SPTBN2: variants seen among roughly 807,000 people sequenced by gnomAD.
SPTBN2 encodes the protein spectrin beta, non-erythrocytic 2.
In SPTBN2, 107 loss-of-function variants were observed where a neutral mutation model predicts 284.2. That is an observed-to-expected ratio of 0.38 (90% confidence interval 0.32 to 0.44). The LOEUF is 0.44. Among genes scored for constraint, SPTBN2 ranks in the 20% least tolerant of loss-of-function variants. The pLI, the probability that SPTBN2 is intolerant of heterozygous loss-of-function variation, is 1.00. For synonymous variants in SPTBN2, 1,289 were observed against 1,354.8 expected, an observed-to-expected ratio of 0.95 and a Z score of 1.07; for missense variants, 2,569 against 3,287.1, an observed-to-expected ratio of 0.78 and a Z score of 5.34.
intron 18 of SPTBN2, 35 bp downstream of exon 18, chr11:66,699,370 CT>C (rs771646452): frequency 2.4e-5 from 38 of 1,609,498 alleles, no homozygotes; most frequent in South Asian, 4.4e-5. Flanking sequence ...CGATTCCCCC[CT>C]GGGAACCCTA....
chr11:66,705,343 G>A lies in SPTBN2; in HGVS notation c.1933C>T (p.Arg645Cys), dbSNP rs778283942. The change falls in exon 15 of 38, where the codon CGT (arginine) becomes TGT (cysteine). Residue 645 changes from arginine (R) to cysteine (C), a missense_variant. By Grantham distance (180) the Arg-to-Cys change is radical. This residue lies in a region of SPTBN2 where 1,012 missense variants were observed against 1,248.9 expected (regional missense o/e 0.81). Coordinates refer to ENST00000533211, the MANE Select transcript of SPTBN2 (RefSeq NM_006946.4). ...GCTTCACCCACCTCCCAGAGGAAAC[G>A]CCAGAGCCGCCGTGATTCCTCCAGC... ...ARLEESRRLW[R>C]FLWEVGEAEA... 7 of 1,610,736 alleles carry A rather than the reference G, an allele frequency of 4.3e-6. No individual in the cohort carries two copies. The South Asian group carries it at 6.6e-5, about 15-fold the overall frequency.
Position 66,687,596 on chromosome 11 carries a change from G to A in SPTBN2, c.6553C>T (p.Arg2185Trp), listed in dbSNP as rs765660173. ...ANGPRGERQT[R>W]TRGPAPSAMP... ...GCAGATGGGGCCGGGCCCCGAGTCC[G>A]GGTCTGCCTCTCTCCCCGGGGCCCA... The change falls in exon 35 of 38, where the codon CGG becomes TGG. Residue 2185 changes from arginine to tryptophan, a missense_variant. Around this residue, in one of 6 missense-constraint regions of SPTBN2, gnomAD observed 1,130 missense variants for 1,317.3 expected, o/e 0.86. Coordinates refer to ENST00000533211, the MANE Select transcript of SPTBN2 (RefSeq NM_006946.4). This position sits in a 1 kb window ranked among gnomAD's most constrained non-coding sequence, Gnocchi z 5.2. The A allele has an allele frequency of 4.2e-5, 67 of 1,609,394 alleles. No individual in the cohort carries two copies. Among genetic ancestry groups the A allele is most frequent in the Non-Finnish European group, 5.3e-5 (62 of 1,178,766 alleles).
chr11:66,728,575 T>C (rs538875086), intron 1 of SPTBN2, 166 bp downstream of exon 1: 3 of 151,688 alleles, frequency 2.0e-5, no homozygotes, highest in African/African-American at 7.2e-5. Flanking sequence ...CCCGGGGTAG[T>C]TGACCTGCCT....
In SPTBN2 at chr11:66,729,041, A is replaced by C. The variant is rs1287409492; in HGVS notation, c.-414T>G. The C allele has an allele frequency of 1.4e-5, 2 of 148,058 alleles. No homozygotes were observed. The highest frequency in any genetic ancestry group is 5.0e-5 in the African/African-American group (2 of 39,668). The allele number at this position is 148,058 out of a possible 1,614,324, so 9.2% of individuals were successfully genotyped here. ...CAGCGCTTCTCAGCTCCTCTCATTT[A>C]TCAACCAGGAGAATTCCGGCCTAGT... On this transcript the variant is annotated 5_prime_UTR_variant, in exon 1 of 38. Transcript: ENST00000533211.
At position 66,687,967 on chromosome 11, in the gene SPTBN2, C is replaced by T. The variant is rs373454822; in HGVS notation, c.6450+37G>A. The T allele has an allele frequency of 3.4e-5, 55 of 1,614,006 alleles. No homozygotes were observed. The highest frequency in any genetic ancestry group is 1.8e-4 in the Admixed American group (11 of 60,000). On this transcript the variant is annotated intron_variant, in intron 33 of 37. Coordinates refer to ENST00000533211, the MANE Select transcript of SPTBN2 (RefSeq NM_006946.4). The surrounding 1 kb of genome is among the most constrained non-coding windows in gnomAD (Gnocchi z 5.2). ...AGGATGTGCGGGGGTGGAGGGGCTA[C>T]GACTCCGATGGGGGCACAGAGGGAC...
At chr11:66,721,792 TCA>T (rs2135562531) in intron 1 of SPTBN2, among the ~76,000 whole-genome samples, 1 of 152,212 alleles carries the variant, frequency 6.6e-6, no homozygotes. Flanking sequence ...ACGCCTGTAA[TCA>T]CAGCACTTTG....
rs993407183 is a variant in SPTBN2, at chr11:66,685,319, C to T, written c.*552G>A. Reference sequence around the variant, plus strand: ...GCGGTGGCTGTCCCCGAACAACACACCTGGAAGCCATTGAGAGCAGCTGGA... The same window carrying T: ...GCGGTGGCTGTCCCCGAACAACACATCTGGAAGCCATTGAGAGCAGCTGGA... On this transcript the variant is annotated 3_prime_UTR_variant, in exon 38 of 38. Coordinates refer to ENST00000533211, the MANE Select transcript of SPTBN2 (RefSeq NM_006946.4). The surrounding 1 kb of genome is among the most constrained non-coding windows in gnomAD (Gnocchi z 4.4). The T allele has an allele frequency of 1.2e-5, 2 of 173,146 alleles. No individual in the cohort carries two copies. The highest frequency in any genetic ancestry group is 2.5e-5 in the Non-Finnish European group (2 of 80,426). The allele number at this position is 173,146 out of a possible 1,614,324, so 10.7% of individuals were successfully genotyped here.
Position 66,715,613 on chromosome 11 carries a change from G to T in SPTBN2, c.309+217C>A, listed in dbSNP as rs953423922. ...ATTGCACCCAGAGTAGGTGGGAAAA[G>T]AAATGTTTTCAATGGGGCCACTGTT... is the stretch of plus-strand genomic sequence containing the variant. On this transcript the variant is annotated intron_variant, in intron 4 of 37. Coordinates refer to ENST00000533211, the MANE Select transcript of SPTBN2 (RefSeq NM_006946.4). The surrounding 1 kb of genome is among the most constrained non-coding windows in gnomAD (Gnocchi z 5.3). Among the ~76,000 whole-genome samples, 3 of 152,240 alleles carry T rather than the reference G, an allele frequency of 2.0e-5. No individual in the cohort carries two copies. Among genetic ancestry groups the T allele is most frequent in the African/African-American group, 4.8e-5 (2 of 41,464 alleles).
intron 1 of SPTBN2, among the ~76,000 whole-genome samples, chr11:66,734,807 G>T (rs1026117947): frequency 2.0e-5 from 3 of 152,204 alleles, no homozygotes; most frequent in African/African-American, 7.2e-5. Context: ...CCTTGGGAGA[G>T]AAGAGGAGTC....
chr11:66,686,930 C>T lies in SPTBN2; in HGVS notation c.6896+64G>A. 1.9e-6 allele frequency: 3 copies of T among 1,607,564 alleles called. 1 individual carries two copies. The South Asian group carries it at 3.3e-5, about 18-fold the overall frequency. ...AACTCCCCTCCCTCTGGACCTGACT[C>T]ATGGCTCACCTGTGTCACTCCCAAC... is the stretch of plus-strand genomic sequence containing the variant. On this transcript the variant is annotated intron_variant, in intron 36 of 37. Coordinates refer to ENST00000533211, the MANE Select transcript of SPTBN2 (RefSeq NM_006946.4).
chr11:66,738,948 A>G (rs559212840), intron 1 of SPTBN2, among the ~76,000 whole-genome samples: 1 of 152,256 alleles, frequency 6.6e-6, no homozygotes, highest in East Asian at 1.9e-4. Flanking sequence ...AGTAGCTGGG[A>G]CTATAGGTGC....
chr11:66,743,754 G>T (rs1383819222), intron 1 of SPTBN2, among the ~76,000 whole-genome samples: 1 of 152,208 alleles, frequency 6.6e-6, no homozygotes, highest in Non-Finnish European at 1.5e-5. Flanking sequence ...AAAGGGGCCT[G>T]GATAGGGAGG....
upstream of SPTBN2, among the ~76,000 whole-genome samples, chr11:66,730,406 ACC>A (rs1206156034): frequency 6.6e-6 from 1 of 151,694 alleles, no homozygotes; most frequent in Non-Finnish European, 1.5e-5. Flanking sequence ...ACATGGTGAA[ACC>A]CCTTCTCTAC....
chr11:66,688,924 T>C, intron 30 of SPTBN2, 75 bp from the exon 31 acceptor site: 1 of 1,563,356 alleles, frequency 6.4e-7, no homozygotes, highest in East Asian at 2.2e-5. Flanking sequence ...CATGGCAACC[T>C]CAAGAACAGG....
rs770169170 is a variant in SPTBN2, at chr11:66,715,440, A to C, written c.310-45T>G. The C allele has an allele frequency of 2.2e-5, 35 of 1,579,022 alleles. No homozygotes were observed. The highest frequency in any genetic ancestry group is 3.0e-5 in the Non-Finnish European group (35 of 1,159,770). On this transcript the variant is annotated intron_variant, in intron 4 of 37. Transcript: ENST00000533211. This position sits in a 1 kb window ranked among gnomAD's most constrained non-coding sequence, Gnocchi z 5.3. ...AAATGGCACGGGACTGTGGGCTTCC[A>C]CCTTCTTCCCCAGCCTTCACAGGGC...
Position 66,687,218 on chromosome 11 carries a change from G to A in SPTBN2, c.6723-51C>T. Reference sequence around the variant, plus strand: ...CCGGCCTCAGTGGCGCCCGCAACCTGGAGCCCTCTTGGGTGTCCTAGGACT... The same window carrying A: ...CCGGCCTCAGTGGCGCCCGCAACCTAGAGCCCTCTTGGGTGTCCTAGGACT... On this transcript the variant is annotated intron_variant, in intron 35 of 37. Coordinates refer to ENST00000533211, the MANE Select transcript of SPTBN2 (RefSeq NM_006946.4). This position sits in a 1 kb window ranked among gnomAD's most constrained non-coding sequence, Gnocchi z 5.2. 1 of 1,608,340 alleles carries A rather than the reference G, an allele frequency of 6.2e-7. No homozygotes were observed.
Position 66,700,388 on chromosome 11 carries a change from G to T in SPTBN2, c.3573+138C>A. On this transcript the variant is annotated intron_variant, in intron 17 of 37. Coordinates refer to ENST00000533211, the MANE Select transcript of SPTBN2 (RefSeq NM_006946.4). The surrounding 1 kb of genome is among the most constrained non-coding windows in gnomAD (Gnocchi z 6.6). ...GATCCTCCTACTTTGGCCTCCCAAA[G>T]TGCTGGAATTTCAGGTGTGAACCAC... 1 of 1,268,910 alleles carries T rather than the reference G, an allele frequency of 7.9e-7. No homozygotes were observed. Among genetic ancestry groups the T allele is most frequent in the Non-Finnish European group, 1.1e-6 (1 of 901,392 alleles). The allele number at this position is 1,268,910 out of a possible 1,614,324, so 78.6% of individuals were successfully genotyped here.
chr11:66,699,000 A>C lies in SPTBN2; in HGVS notation c.3859T>G (p.Cys1287Gly). 6.2e-7 allele frequency: 1 copy of C among 1,614,196 alleles called. No individual in the cohort carries two copies. Residue 1287 changes from cysteine (C) to glycine (G), a missense_variant, in exon 19 of 38, where the codon TGT (cysteine) becomes GGT (glycine). Physicochemically the swap from Cys to Gly is radical, Grantham distance 159. This residue lies in a region of SPTBN2 where 1,012 missense variants were observed against 1,248.9 expected (regional missense o/e 0.81). Transcript: ENST00000533211. The part of the protein sequence containing the change: ...NREQQHFLQD[C>G]HELKLWIDEK... ...GCCCCAGGGAGCCTCACCTCGTGAC[A>C]ATCTTGCAGGAAATGCTGCTGCTCC...
chr11:66,692,061 C>T (rs549446300), intron 26 of SPTBN2, among the ~76,000 whole-genome samples: 1 of 152,228 alleles, frequency 6.6e-6, no homozygotes, highest in African/African-American at 2.4e-5. Flanking sequence ...TTCATGTCCC[C>T]TTTCTGTACA....
Sources: allele counts gnomAD v4.1 joint callset (sites outside exome capture counted in the v4.1 genomes callset), GRCh38; gene constraint gnomAD v4.1.1; regional missense constraint gnomAD v4.1.1; non-coding constraint Gnocchi (gnomAD v3.1); transcripts MANE v1.5; gene names NCBI Gene and HGNC (gene_info 2026-07-23, HGNC 2026-07-21).